Variants in GOLPH3 observed in about 807,000 individuals in gnomAD.
The protein encoded by GOLPH3 is coat protein GPP34.
In GOLPH3, 14 loss-of-function variants were observed where a neutral mutation model predicts 28.5. The observed-to-expected ratio is 0.49, with a 90% CI of 0.32 to 0.77. The LOEUF (loss-of-function observed/expected upper bound fraction) is 0.77. Ranked by LOEUF, GOLPH3 falls within the 30% of genes least tolerant of loss-of-function variation. The probability of loss-of-function intolerance (pLI) is 0.03; values close to 1 mark genes in which losing one functional copy is unlikely to be tolerated. For synonymous variants in GOLPH3, 158 were observed against 159.2 expected, an observed-to-expected ratio of 0.99 and a Z score of 0.06; for missense variants, 350 against 393.7, an observed-to-expected ratio of 0.89 and a Z score of 0.94.
Position 32,126,335 on chromosome 5 carries a change from G to C in GOLPH3, c.774C>G (p.Asp258Glu). Residue 258 changes from aspartate (D) to glutamate (E), a missense_variant, in exon 4 of 4, where the codon GAC becomes GAG. Physicochemically the swap from Asp to Glu is conservative, Grantham distance 45 (BLOSUM62 2). Transcript: ENST00000265070. Reference sequence around the variant, plus strand: ...TCTTGGTAGCCAAATCATACTGCTCGTCCAGAAGAGGAGCAAAAGCATTCT... The same window carrying C: ...TCTTGGTAGCCAAATCATACTGCTCCTCCAGAAGAGGAGCAAAAGCATTCT... ...VLENAFAPLL[D>E]EQYDLATKRV... 6.2e-7 allele frequency: 1 copy of C among 1,614,014 alleles called. No individual in the cohort carries two copies. The highest frequency in any genetic ancestry group is 8.5e-7 in the Non-Finnish European group (1 of 1,180,004).
intron 1 of GOLPH3, among the ~76,000 whole-genome samples, chr5:32,164,073 A>G (rs531736032): frequency 6.6e-6 from 1 of 152,334 alleles, no homozygotes; most frequent in South Asian, 2.1e-4. Context: ...CTTTTACCTT[A>G]AAACTTTAAC....
intron 3 of GOLPH3, among the ~76,000 whole-genome samples, chr5:32,133,984 A>G (rs763171916): frequency 1.3e-5 from 2 of 152,238 alleles, no homozygotes; most frequent in Admixed American, 6.5e-5. Context: ...GTTCTTACCA[A>G]TAAGAAAAAA....
chr5:32,143,982 T>C, intron 1 of GOLPH3, 102 bp from the exon 2 acceptor site: 1 of 689,086 alleles, frequency 1.5e-6, no homozygotes, highest in Non-Finnish European at 2.2e-6. Flanking sequence ...TTGGTGCCTT[T>C]TACCTTTCCT....
At chr5:32,166,780 C>G (rs1417891668) in intron 1 of GOLPH3, among the ~76,000 whole-genome samples, 1 of 150,854 alleles carries the variant, frequency 6.6e-6, no homozygotes, top group Non-Finnish European at 1.5e-5. Flanking sequence ...GCACTTCAGC[C>G]CGAGTGATAA....
At chr5:32,153,701 A>T (rs377519919) in intron 1 of GOLPH3, among the ~76,000 whole-genome samples, 2 of 152,240 alleles carry the variant, frequency 1.3e-5, no homozygotes, top group Non-Finnish European at 2.9e-5. Context: ...TAAGTTAAAT[A>T]AAAATCTATA....
intron 3 of GOLPH3, among the ~76,000 whole-genome samples, chr5:32,127,106 A>G (rs1745699188): frequency 1.3e-5 from 2 of 152,360 alleles, no homozygotes; most frequent in Non-Finnish European, 2.9e-5. Context: ...AGGCCATGCT[A>G]TTATTTGATA....
At chr5:32,129,174 C>G (rs1745768638) in intron 3 of GOLPH3, among the ~76,000 whole-genome samples, 1 of 152,120 alleles carries the variant, frequency 6.6e-6, no homozygotes, top group Non-Finnish European at 1.5e-5. Context: ...AAGCACAAGA[C>G]TGTCTCAAAA....
At chr5:32,130,424 AAAG>A (rs1205908800) in intron 3 of GOLPH3, among the ~76,000 whole-genome samples, 21 of 152,348 alleles carry the variant, frequency 1.4e-4, no homozygotes, top group African/African-American at 4.6e-4. Context: ...TGTTGTTATC[AAAG>A]AAGTATTATC....
intron 1 of GOLPH3, among the ~76,000 whole-genome samples, chr5:32,153,114 T>C (rs1349884313): frequency 6.6e-6 from 1 of 152,178 alleles, no homozygotes; most frequent in Non-Finnish European, 1.5e-5. Flanking sequence ...TACAAAGATA[T>C]ATCTACCACA....
intron 3 of GOLPH3, among the ~76,000 whole-genome samples, chr5:32,131,424 AT>A (rs1745823634): frequency 6.6e-6 from 1 of 152,242 alleles, no homozygotes; most frequent in Admixed American, 6.5e-5. Flanking sequence ...CAATAGATGG[AT>A]TTCTGAGGAG....
rs1025107113 is a variant in GOLPH3, at chr5:32,161,390, C to G, written c.225+12420G>C. Among the ~76,000 whole-genome samples the G allele has an allele frequency of 1.8e-4, 21 of 118,566 alleles. 1 individual carries two copies. Among genetic ancestry groups the G allele is most frequent in the African/African-American group, 5.5e-4 (16 of 29,112 alleles). The allele number at this position is 118,566 out of a possible 152,430, so 77.8% of individuals were successfully genotyped here. On this transcript the variant is annotated intron_variant, in intron 1 of 3. Coordinates refer to ENST00000265070, the MANE Select transcript of GOLPH3 (RefSeq NM_022130.4). Reference sequence around the variant, plus strand: ...CTGGACTCCACCCTGGGTGACAGAGCATACCTTGTCTCAAAAAAAAAAAAC... The same window carrying G: ...CTGGACTCCACCCTGGGTGACAGAGGATACCTTGTCTCAAAAAAAAAAAAC...
chr5:32,165,560 G>A (rs1005687585), intron 1 of GOLPH3, among the ~76,000 whole-genome samples: 5 of 151,982 alleles, frequency 3.3e-5, no homozygotes, highest in African/African-American at 9.7e-5. Context: ...TCCAGCCTGG[G>A]TAACAGAGCA....
At chr5:32,169,927 T>C (rs1205624475) in intron 1 of GOLPH3, among the ~76,000 whole-genome samples, 1 of 149,326 alleles carries the variant, frequency 6.7e-6, no homozygotes, top group African/African-American at 2.5e-5. Context: ...CAAATATCAT[T>C]GGTTAAAAAA....
At chr5:32,139,863 G>C (rs1458562132) in intron 2 of GOLPH3, among the ~76,000 whole-genome samples, 1 of 152,090 alleles carries the variant, frequency 6.6e-6, no homozygotes, top group Non-Finnish European at 1.5e-5. Context: ...AAATCTAAAA[G>C]AAGGTATTAC....
At chr5:32,169,872 ATCT>A (rs1746793375) in intron 1 of GOLPH3, among the ~76,000 whole-genome samples, 1 of 152,112 alleles carries the variant, frequency 6.6e-6, no homozygotes, top group Non-Finnish European at 1.5e-5. Flanking sequence ...GAGCATGAAA[ATCT>A]TCTGAGGGGA....
At chr5:32,157,921 G>A (rs1001600588) in intron 1 of GOLPH3, among the ~76,000 whole-genome samples, 1 of 151,170 alleles carries the variant, frequency 6.6e-6, no homozygotes, top group Admixed American at 6.6e-5. Context: ...AGGTTGCAGT[G>A]AGCCGAGATC....
rs768054460 is a variant in GOLPH3 at position 32,125,179 on chromosome 5, T to C, written c.*1033A>G. On this transcript the variant is annotated 3_prime_UTR_variant, in exon 4 of 4. Transcript: ENST00000265070. Reference sequence around the variant, plus strand: ...GACATTTGATTTTTTTCCCCAAGAATGTGTGAGTAGATAAATGACATTTCA... The same window carrying C: ...GACATTTGATTTTTTTCCCCAAGAACGTGTGAGTAGATAAATGACATTTCA... The C allele has an allele frequency of 6.6e-6, 1 of 152,596 alleles. No individual in the cohort carries two copies. The highest frequency in any genetic ancestry group is 1.5e-5 in the Non-Finnish European group (1 of 68,020). 9.5% of individuals were successfully genotyped at this position (152,596 alleles called of 1,614,324 possible). A position where few individuals can be genotyped will look rare whatever the true frequency, so the allele number is the denominator to read the frequency against.
intron 1 of GOLPH3, among the ~76,000 whole-genome samples, chr5:32,168,604 G>C (rs1331663198): frequency 6.6e-6 from 1 of 152,100 alleles, no homozygotes; most frequent in East Asian, 1.9e-4. Context: ...AAATCAGACT[G>C]GAAAAAAACA....
At chr5:32,128,933 CA>C (rs1263704184) in intron 3 of GOLPH3, among the ~76,000 whole-genome samples, 2 of 151,988 alleles carry the variant, frequency 1.3e-5, no homozygotes, top group East Asian at 3.9e-4. Flanking sequence ...ACAAAAAATA[CA>C]AAAGTTAGCC....
Sources: allele counts gnomAD v4.1 joint callset (sites outside exome capture counted in the v4.1 genomes callset), GRCh38; gene constraint gnomAD v4.1.1; transcripts MANE v1.5; gene names NCBI Gene and HGNC (gene_info 2026-07-23, HGNC 2026-07-21).